The following S100Z variants were observed in gnomAD, a reference collection of about 807,000 sequenced individuals.
S100Z encodes the protein S100 calcium binding protein Z.
Under a neutral mutation model 8.5 loss-of-function variants are expected in S100Z, and 11 were observed. That is an observed-to-expected ratio of 1.30 (90% confidence interval 0.82 to 2.15). The LOEUF is 2.15. S100Z is among the 30% of genes most tolerant of loss of function. The pLI, the probability that S100Z is intolerant of heterozygous loss-of-function variation, is 0.00. For missense variants in S100Z, 126 were observed against 117.9 expected, an observed-to-expected ratio of 1.07 and a Z score of -0.32; for synonymous variants, 34 against 43.8, an observed-to-expected ratio of 0.78 and a Z score of 0.89.
At chr5:76,872,886 T>C (rs1241872943) in intron 2 of S100Z, among the ~76,000 whole-genome samples, 4 of 151,994 alleles carry the variant, frequency 2.6e-5, no homozygotes, top group African/African-American at 9.7e-5. Context: ...GATGGAAGAA[T>C]TGTCTGAGCC....
At chr5:76,908,856 C>CGT (rs1554039775) in intron 4 of S100Z, among the ~76,000 whole-genome samples, 5 of 152,150 alleles carry the variant, frequency 3.3e-5, no homozygotes. Context: ...GCTTAGGACT[C>CGT]TAACAGGTTT....
chr5:76,920,263 T>C (rs1325423454), intron 4 of S100Z, among the ~76,000 whole-genome samples: 2 of 152,200 alleles, frequency 1.3e-5, no homozygotes, highest in African/African-American at 2.4e-5. Flanking sequence ...AGTTTAAAAG[T>C]TCTTTGCATA....
intron 4 of S100Z, among the ~76,000 whole-genome samples, chr5:76,904,526 T>C (rs1377736030): frequency 6.6e-6 from 1 of 152,094 alleles, no homozygotes; most frequent in African/African-American, 2.4e-5. Context: ...TGAGATAAAA[T>C]CAAGAAAATT....
rs561700807 is a variant in S100Z, at chr5:76,888,081, C to T, written c.*2+10247C>T. 4.6e-5 allele frequency among the ~76,000 whole-genome samples: 7 copies of T among 151,732 alleles called. No homozygotes were observed. The South Asian group carries it at 1.5e-3, about 32-fold the overall frequency. ...GACCAGCCTGGTTAATATGGTGAAACCCCATCTCTACTAAAAAATACAAAA... is the reference window on the plus strand; with the variant it reads ...GACCAGCCTGGTTAATATGGTGAAATCCCATCTCTACTAAAAAATACAAAA... On this transcript the variant is annotated intron_variant, in intron 4 of 4. Transcript: ENST00000317593.
At chr5:76,924,811 G>T (rs1006136383), downstream of S100Z, among the ~76,000 whole-genome samples, 22 of 152,146 alleles carry the variant, frequency 1.4e-4, no homozygotes, top group Admixed American at 2.6e-4. Context: ...CACTCTGGAG[G>T]CTGAGGTAGG....
At chr5:76,900,265 T>C (rs1158262806) in intron 4 of S100Z, among the ~76,000 whole-genome samples, 2 of 152,226 alleles carry the variant, frequency 1.3e-5, no homozygotes, top group African/African-American at 2.4e-5. Flanking sequence ...ACTTGAATAT[T>C]GATATCTTTC....
At chr5:76,943,976 A>G in the S100Z span, among the ~76,000 whole-genome samples, 1 of 152,080 alleles carries the variant, frequency 6.6e-6, no homozygotes, top group African/African-American at 2.4e-5. Context: ...TTTATAACAG[A>G]TTGCGTTATA....
intron 1 of S100Z, among the ~76,000 whole-genome samples, chr5:76,864,704 C>T (rs749532612): frequency 2.7e-5 from 4 of 147,468 alleles, no homozygotes; most frequent in Non-Finnish European, 3.0e-5. Flanking sequence ...GGCCTGGCCT[C>T]ATTTATTATA....
intron 4 of S100Z, among the ~76,000 whole-genome samples, chr5:76,887,080 ATCTT>A (rs1743671363): frequency 6.6e-6 from 1 of 150,734 alleles, no homozygotes; most frequent in African/African-American, 2.4e-5. Context: ...AAAAGAGCCT[ATCTT>A]TCTTTCTTTT....
At chr5:76,867,431 G>T (rs973425791) in intron 1 of S100Z, among the ~76,000 whole-genome samples, 3 of 152,132 alleles carry the variant, frequency 2.0e-5, no homozygotes, top group African/African-American at 4.8e-5. Flanking sequence ...TCTAAGGAGG[G>T]TGTCTGCCTG....
At chr5:76,867,584 C>CTTTTTTTTTTTTTTTTTTTTT (rs57865301) in intron 1 of S100Z, among the ~76,000 whole-genome samples, 1 of 144,368 alleles carries the variant, frequency 6.9e-6, no homozygotes. Flanking sequence ...ATCATCCTTA[C>CTTTTTTTTTTTTTTTTTTTTT]TTTTTTTTTT....
intron 1 of S100Z, among the ~76,000 whole-genome samples, chr5:76,852,147 T>C (rs908898399): frequency 1.3e-5 from 2 of 152,162 alleles, no homozygotes; most frequent in Non-Finnish European, 2.9e-5. Flanking sequence ...TCTCGCCTTC[T>C]TGGGAGAGCA....
the S100Z span, among the ~76,000 whole-genome samples, chr5:76,940,311 G>A: frequency 1.3e-5 from 2 of 152,182 alleles, no homozygotes; most frequent in Non-Finnish European, 2.9e-5. Flanking sequence ...AGAAGGTTTT[G>A]CAGCCTGGTG....
intron 4 of S100Z, among the ~76,000 whole-genome samples, chr5:76,886,652 A>T (rs1743647985): frequency 1.3e-5 from 2 of 152,198 alleles, no homozygotes; most frequent in Non-Finnish European, 2.9e-5. Context: ...GGCTGTTTAT[A>T]TTACCTGGGT....
chr5:76,876,979 C>T (rs1743213815), intron 3 of S100Z, among the ~76,000 whole-genome samples: 1 of 152,162 alleles, frequency 6.6e-6, no homozygotes, highest in African/African-American at 2.4e-5. Flanking sequence ...AAAATGCAGG[C>T]ATCTTTATAA....
intron 4 of S100Z, among the ~76,000 whole-genome samples, chr5:76,897,448 A>AAAT (rs956487227): frequency 1.2e-4 from 18 of 149,180 alleles, no homozygotes; most frequent in South Asian, 6.3e-4. Context: ...GTCTCAAAAA[A>AAAT]AATAATAATA....
chr5:76,924,011 A>G (rs1275368581), downstream of S100Z, among the ~76,000 whole-genome samples: 4 of 152,152 alleles, frequency 2.6e-5, no homozygotes, highest in Non-Finnish European at 5.9e-5. Context: ...TGGGTCCACC[A>G]AAGAGAAACA....
At chr5:76,860,989 A>G (rs1751038344) in intron 1 of S100Z, among the ~76,000 whole-genome samples, 1 of 152,230 alleles carries the variant, frequency 6.6e-6, no homozygotes, top group African/African-American at 2.4e-5. Flanking sequence ...ATAACAAGCT[A>G]TATTAGGATC....
the S100Z span, among the ~76,000 whole-genome samples, chr5:76,946,178 C>G: frequency 6.6e-6 from 1 of 152,180 alleles, no homozygotes; most frequent in African/African-American, 2.4e-5. Context: ...CTGCGATAAT[C>G]TGGGTAGATA....
Sources: gnomAD v4.1 joint callset for allele counts (sites outside exome capture counted in the v4.1 genomes callset) on GRCh38, gnomAD v4.1.1 for gene constraint, MANE v1.5 for transcripts, NCBI Gene and HGNC (gene_info 2026-07-23, HGNC 2026-07-21) for gene names.